Variants in MALRD1 observed in about 807,000 individuals in gnomAD.
MALRD1 encodes MAM and LDL-receptor class A domain-containing protein 1.
MALRD1 carries 247 observed loss-of-function variants against 242.1 expected under a neutral mutation model. The observed-to-expected ratio is 1.02, with a 90% confidence interval of 0.92 to 1.13. The LOEUF (loss-of-function observed/expected upper bound fraction) is 1.13, where lower values mean the gene tolerates loss of function less well. MALRD1 is among the 50% of genes most tolerant of loss of function. The pLI is 0.00. For synonymous variants in MALRD1, 995 were observed against 866.6 expected (o/e 1.15, Z -2.60); for missense variants, 2,989 against 2,533.1 (o/e 1.18, Z -3.86).
chr10:19,108,576 G>A (rs1159877790), intron 5 of MALRD1, among the ~76,000 whole-genome samples: 1 of 67,398 alleles, frequency 1.5e-5, no homozygotes, highest in Non-Finnish European at 2.6e-5. Flanking sequence ...CACCGCGCCC[G>A]GCTAATTTTT....
At chr10:19,065,447 A>G (rs11008329) in intron 1 of MALRD1, among the ~76,000 whole-genome samples, 10,930 of 152,068 alleles carry the variant, frequency 0.072, 1,280 homozygotes, top group African/African-American at 0.25. Context: ...CTAATGATCA[A>G]TGAGAGCAGC....
At chr10:19,690,119 G>A (rs1412016978) in intron 36 of MALRD1, among the ~76,000 whole-genome samples, 1 of 151,878 alleles carries the variant, frequency 6.6e-6, no homozygotes, top group Non-Finnish European at 1.5e-5. Flanking sequence ...ATCTTTTTTT[G>A]TAACAGTTTG....
chr10:19,324,186 C>A, intron 22 of MALRD1, 81 bp downstream of exon 22: 3 of 1,340,072 alleles, frequency 2.2e-6, no homozygotes, highest in Non-Finnish European at 3.1e-6. Context: ...AAAATATATT[C>A]TGTTAATAAG....
intron 31 of MALRD1, among the ~76,000 whole-genome samples, chr10:19,530,432 A>AATAAATAT (rs1490971167): frequency 0.02 from 805 of 40,752 alleles, 86 homozygotes; most frequent in Middle Eastern, 0.1. Context: ...AATATATAAT[A>AATAAATAT]TATATAATAT....
intron 31 of MALRD1, among the ~76,000 whole-genome samples, chr10:19,515,229 T>C (rs1436152592): frequency 6.6e-6 from 1 of 152,204 alleles, no homozygotes; most frequent in Non-Finnish European, 1.5e-5. Flanking sequence ...TAGTTACATG[T>C]ATGAATTCAA....
intron 11 of MALRD1, among the ~76,000 whole-genome samples, chr10:19,154,219 C>T (rs1834045203): frequency 6.6e-6 from 1 of 152,150 alleles, no homozygotes. Context: ...ACTGCTGCCT[C>T]ACATCCTTGG....
chr10:19,535,222 T>C (rs1023688880), intron 32 of MALRD1, among the ~76,000 whole-genome samples: 5 of 152,142 alleles, frequency 3.3e-5, no homozygotes, highest in Non-Finnish European at 7.3e-5. Flanking sequence ...CTAGTAAATA[T>C]TGGAAACCAC....
At chr10:19,102,859 T>TC (rs1836318426) in intron 4 of MALRD1, among the ~76,000 whole-genome samples, 2 of 147,404 alleles carry the variant, frequency 1.4e-5, no homozygotes, top group Admixed American at 6.8e-5. Flanking sequence ...CATTTCTTCT[T>TC]TTTTTTTGAG....
At chr10:19,216,119 CTT>C (rs753559077) in intron 18 of MALRD1, among the ~76,000 whole-genome samples, 13 of 122,792 alleles carry the variant, frequency 1.1e-4, no homozygotes, top group Non-Finnish European at 1.1e-4. Context: ...TTCTTTCTTT[CTT>C]TTTTTTTTTT....
chr10:19,192,460 G>T (rs887889181), intron 14 of MALRD1, among the ~76,000 whole-genome samples: 14 of 152,138 alleles, frequency 9.2e-5, no homozygotes, highest in African/African-American at 3.1e-4. Flanking sequence ...GATATGACAG[G>T]TGGGCTTAAG....
rs1835251869 is a variant in MALRD1 at position 19,450,345 on chromosome 10, G to A, written c.4884G>A (p.Lys1628=). The part of the protein sequence containing the change: ...KGLSKVWQES[K]QNPGNHWQKA... ...TATCAAAAGTATGGCAAGAAAGTAA[G>A]CAGAACCCTGGTAATCATTGGCAAA... is the stretch of plus-strand genomic sequence containing the variant. The change falls in exon 29 of 40, where the codon AAG becomes AAA. Residue 1628 remains lysine, a synonymous_variant. Coordinates refer to ENST00000454679, the MANE Select transcript of MALRD1 (RefSeq NM_001142308.3). 6.5e-7 allele frequency: 1 copy of A among 1,549,180 alleles called. No individual in the cohort carries two copies. Among genetic ancestry groups the A allele is most frequent in the East Asian group, 2.4e-5 (1 of 40,916 alleles).
chr10:19,323,235 C>G (rs1842977857), intron 21 of MALRD1, among the ~76,000 whole-genome samples: 1 of 152,076 alleles, frequency 6.6e-6, no homozygotes, highest in South Asian at 2.1e-4. Context: ...GACCGGTTTC[C>G]TGTTTTTCAT....
intron 11 of MALRD1, among the ~76,000 whole-genome samples, chr10:19,148,924 G>T (rs1833829301): frequency 1.3e-5 from 2 of 151,286 alleles, no homozygotes; most frequent in South Asian, 4.2e-4. Flanking sequence ...AAATGAAAAA[G>T]GACCAGGAAG....
At chr10:19,514,204 A>C (rs1466446370) in intron 31 of MALRD1, among the ~76,000 whole-genome samples, 1 of 152,232 alleles carries the variant, frequency 6.6e-6, no homozygotes, top group Non-Finnish European at 1.5e-5. Context: ...TTGCAACATA[A>C]AATAATTTAA....
At chr10:19,687,014 TAAC>T (rs952878769) in intron 36 of MALRD1, among the ~76,000 whole-genome samples, 1 of 151,802 alleles carries the variant, frequency 6.6e-6, no homozygotes, top group Non-Finnish European at 1.5e-5. Context: ...AAAAAAATAA[TAAC>T]GAGTGGATTT....
rs930634271 is a variant in MALRD1 at position 19,126,052 on chromosome 10, A to AT, written c.943+1394dup. Among the ~76,000 whole-genome samples, 354 of 147,632 alleles carry AT rather than the reference A, an allele frequency of 2.4e-3. 1 individual carries two copies. Among genetic ancestry groups the AT allele is most frequent in the African/African-American group, 7.3e-3 (297 of 40,536 alleles). Reference sequence around the variant, plus strand: ...ATTTATCTGGTCATACAATTTTAGAATTTTTTTTTTTTAATTTCTAAGTAC... The same window carrying AT: ...ATTTATCTGGTCATACAATTTTAGAATTTTTTTTTTTTTAATTTCTAAGTAC... On this transcript the variant is annotated intron_variant, in intron 7 of 39. Coordinates refer to ENST00000454679, the MANE Select transcript of MALRD1 (RefSeq NM_001142308.3).
chr10:19,482,326 A>G (rs1837030379), intron 29 of MALRD1, among the ~76,000 whole-genome samples: 1 of 152,054 alleles, frequency 6.6e-6, no homozygotes, highest in African/African-American at 2.4e-5. Context: ...TCAACAAGTT[A>G]AAAAAGATAG....
intron 33 of MALRD1, among the ~76,000 whole-genome samples, chr10:19,588,424 T>C (rs1031677621): frequency 1.5e-4 from 23 of 152,340 alleles, no homozygotes; most frequent in African/African-American, 5.5e-4. Flanking sequence ...GGTTAAAACC[T>C]GTCCAATATG....
At chr10:19,539,881 T>C (rs1463381913) in intron 32 of MALRD1, among the ~76,000 whole-genome samples, 2 of 80,876 alleles carry the variant, frequency 2.5e-5, no homozygotes, top group East Asian at 4.0e-4. Flanking sequence ...TGTGTGTGTG[T>C]GTGTGTGTGT....
Sources: allele counts gnomAD v4.1 joint callset (sites outside exome capture counted in the v4.1 genomes callset), GRCh38; gene constraint gnomAD v4.1.1; transcripts MANE v1.5; gene names NCBI Gene and HGNC (gene_info 2026-07-23, HGNC 2026-07-21).